Variants in GABRG3 observed in about 807,000 individuals in gnomAD.
GABRG3 encodes gamma-aminobutyric acid type A receptor subunit gamma3, also known as gamma-aminobutyric acid receptor subunit gamma-3.
A neutral mutation model predicts 48.8 loss-of-function variants in GABRG3; 25 were observed. That is an observed-to-expected ratio of 0.51 (90% CI 0.37 to 0.72). The LOEUF (loss-of-function observed/expected upper bound fraction) is 0.72. Ranked by LOEUF, GABRG3 falls within the 30% of genes least tolerant of loss-of-function variation. The pLI is 0.00. For missense variants in GABRG3, 394 were observed against 577.9 expected, an observed-to-expected ratio of 0.68 and a Z score of 3.26; for synonymous variants, 227 against 217.6, an observed-to-expected ratio of 1.04 and a Z score of -0.38.
chr15:27,188,143 T>C (rs1451927281), intron 3 of GABRG3, among the ~76,000 whole-genome samples: 4 of 152,128 alleles, frequency 2.6e-5, no homozygotes, highest in Non-Finnish European at 5.9e-5. Context: ...GACATTTGGG[T>C]TGGTTCCAAG....
chr15:27,448,298 G>T (rs1227876167), intron 5 of GABRG3, among the ~76,000 whole-genome samples: 1 of 152,190 alleles, frequency 6.6e-6, no homozygotes, highest in East Asian at 1.9e-4. Context: ...AATGGACGTG[G>T]AGGGCACAAA....
Position 27,201,470 on chromosome 15 carries a change from TGAG to T in GABRG3, c.271-125333_271-125331del, listed in dbSNP as rs1888682416. Among the ~76,000 whole-genome samples the T allele has an allele frequency of 2.2e-5, 3 of 136,846 alleles. No homozygotes were observed. The East Asian group carries it at 6.5e-4, about 30-fold the overall frequency. 89.8% of individuals were successfully genotyped at this position (136,846 alleles called of 152,430 possible). ...GGGAGAAAGAGAAGGAAAAGGAGGA[TGAG>T]GAGGAAAACAGAGGGAAATAGGGGA... On this transcript the variant is annotated intron_variant, in intron 3 of 9. Coordinates refer to ENST00000615808, the MANE Select transcript of GABRG3 (RefSeq NM_033223.5).
chr15:27,480,849 G>GT, intron 6 of GABRG3, 62 bp downstream of exon 6: 1 of 1,585,394 alleles, frequency 6.3e-7, no homozygotes, highest in South Asian at 1.1e-5. Context: ...GCCATATGTA[G>GT]TCATATCCTT....
At chr15:27,493,310 A>AT (rs568506651) in intron 6 of GABRG3, among the ~76,000 whole-genome samples, 56 of 151,156 alleles carry the variant, frequency 3.7e-4, no homozygotes, top group Non-Finnish European at 6.1e-4. Context: ...AAACATGAGA[A>AT]TTTTTTTTTT....
At chr15:27,350,400 G>A (rs1010611353) in intron 5 of GABRG3, 15 of 312,506 alleles carry the variant, frequency 4.8e-5, no homozygotes, top group Non-Finnish European at 8.9e-5. Flanking sequence ...AAATCAACTC[G>A]ATATTTTCCA....
chr15:27,273,171 C>T (rs988189549), intron 3 of GABRG3, among the ~76,000 whole-genome samples: 3 of 152,072 alleles, frequency 2.0e-5, no homozygotes, highest in Non-Finnish European at 4.4e-5. Context: ...AGAATTGTCT[C>T]GGGATTCTAT....
intron 3 of GABRG3, among the ~76,000 whole-genome samples, chr15:27,291,262 G>C (rs1195625154): frequency 6.6e-6 from 1 of 152,170 alleles, no homozygotes; most frequent in East Asian, 1.9e-4. Flanking sequence ...TATGAAAGTA[G>C]ATCAATGGTT....
intron 5 of GABRG3, among the ~76,000 whole-genome samples, chr15:27,423,444 G>A (rs1193815901): frequency 6.6e-6 from 1 of 151,508 alleles, no homozygotes; most frequent in Non-Finnish European, 1.5e-5. Flanking sequence ...AGGGAAAGGA[G>A]CATTATGCAG....
rs80264901 is a variant in GABRG3 at position 27,252,406 on chromosome 15, G to A, written c.271-74403G>A. Reference sequence around the variant, plus strand: ...TAAGCAGGACGTCCTGTATGTGGGTGGCTGTGTGGATGCCATGCCAGGAGC... The same window carrying A: ...TAAGCAGGACGTCCTGTATGTGGGTAGCTGTGTGGATGCCATGCCAGGAGC... On this transcript the variant is annotated intron_variant, in intron 3 of 9. Transcript: ENST00000615808. Among the ~76,000 whole-genome samples, 1,310 of 152,278 alleles carry A rather than the reference G, an allele frequency of 8.6e-3. 15 individuals are homozygous for A. Among genetic ancestry groups the A allele is most frequent in the Non-Finnish European group, 0.013 (883 of 68,020 alleles).
chr15:27,456,569 G>A (rs565326217), intron 5 of GABRG3, among the ~76,000 whole-genome samples: 28 of 152,152 alleles, frequency 1.8e-4, no homozygotes, highest in Admixed American at 6.5e-4. Flanking sequence ...CCAGTGGGTC[G>A]AGAATGCAGA....
At position 27,342,447 on chromosome 15, in the gene GABRG3, C is replaced by T. The variant is rs542098585; in HGVS notation, c.574+13559C>T. Among the ~76,000 whole-genome samples, 6 of 152,278 alleles carry T rather than the reference C, an allele frequency of 3.9e-5. No homozygotes were observed. In the South Asian group the frequency reaches 1.2e-3, roughly 32 times the overall value. The stretch of plus-strand genomic sequence containing the variant: ...ATCACCCCTCCACAGCGTTCTGTAT[C>T]ATCTCCATTCATATTCTGGCCACTG... On this transcript the variant is annotated intron_variant, in intron 5 of 9. Transcript: ENST00000615808.
intron 3 of GABRG3, among the ~76,000 whole-genome samples, chr15:27,144,075 A>G (rs1898154033): frequency 6.6e-6 from 1 of 152,226 alleles, no homozygotes; most frequent in Non-Finnish European, 1.5e-5. Flanking sequence ...GGACCCCCAT[A>G]ATTAAGATAC....
At chr15:27,073,652 A>G (rs185836457) in intron 3 of GABRG3, among the ~76,000 whole-genome samples, 4 of 152,384 alleles carry the variant, frequency 2.6e-5, no homozygotes, top group Non-Finnish European at 5.9e-5. Context: ...CACCTTGTGA[A>G]CTAGTTAGCT....
intron 5 of GABRG3, among the ~76,000 whole-genome samples, chr15:27,343,723 G>A (rs548438116): frequency 3.3e-5 from 5 of 152,232 alleles, no homozygotes; most frequent in African/African-American, 9.6e-5. Context: ...TTCAGAACAC[G>A]GTACGTCAAC....
At chr15:27,161,663 A>G (rs563767130) in intron 3 of GABRG3, among the ~76,000 whole-genome samples, 1 of 152,260 alleles carries the variant, frequency 6.6e-6, no homozygotes, top group South Asian at 2.1e-4. Context: ...CATTTTGAAT[A>G]TATTAGCATT....
intron 2 of GABRG3, among the ~76,000 whole-genome samples, chr15:26,993,615 A>G (rs1169058152): frequency 6.6e-6 from 1 of 152,082 alleles, no homozygotes; most frequent in Non-Finnish European, 1.5e-5. Context: ...GTTTTGTGAC[A>G]TAACATATGG....
At chr15:27,136,543 C>T (rs1013559329) in intron 3 of GABRG3, among the ~76,000 whole-genome samples, 3 of 152,112 alleles carry the variant, frequency 2.0e-5, no homozygotes, top group African/African-American at 7.2e-5. Flanking sequence ...GATCGTGTTT[C>T]AGGCATGGGA....
chr15:27,493,560 G>GT (rs1367378609), intron 6 of GABRG3, among the ~76,000 whole-genome samples: 1 of 152,076 alleles, frequency 6.6e-6, no homozygotes, highest in Non-Finnish European at 1.5e-5. Flanking sequence ...AAACAAGTGG[G>GT]TTTTTTAATC....
At chr15:27,024,435 G>A (rs933359304) in intron 2 of GABRG3, among the ~76,000 whole-genome samples, 2 of 152,114 alleles carry the variant, frequency 1.3e-5, no homozygotes, top group Non-Finnish European at 2.9e-5. Context: ...TGTAGTTTTA[G>A]GCCTTACAGT....
Sources: gnomAD v4.1 joint callset for allele counts (sites outside exome capture counted in the v4.1 genomes callset) on GRCh38, gnomAD v4.1.1 for gene constraint, MANE v1.5 for transcripts, NCBI Gene and HGNC (gene_info 2026-07-23, HGNC 2026-07-21) for gene names.